The following RIC1 variants were observed in gnomAD, a reference collection of about 807,000 sequenced individuals.
RIC1 encodes RIC1 partner of RAB6A GEF complex, also known as guanine nucleotide exchange factor subunit RIC1.
Under a neutral mutation model 169.0 loss-of-function variants are expected in RIC1, and 88 were observed. The observed-to-expected ratio is 0.52, with a 90% CI of 0.44 to 0.62. RIC1 has a LOEUF of 0.62. RIC1 is among the 20% of genes least tolerant of loss of function. RIC1 has a pLI of 0.00. For missense variants in RIC1, 1,877 were observed against 1,725.5 expected, an observed-to-expected ratio of 1.09 and a Z score of -1.56; for synonymous variants, 790 against 601.5, an observed-to-expected ratio of 1.31 and a Z score of -4.59.
At chr9:5,634,575 C>T (rs10815255) in intron 1 of RIC1, among the ~76,000 whole-genome samples, 70,163 of 151,778 alleles carry the variant, frequency 0.46, 16,680 homozygotes, top group East Asian at 0.62. Flanking sequence ...GTTTTTTTCT[C>T]GGTACTGAGT....
chr9:5,703,500 C>G (rs1822363501), intron 3 of RIC1, among the ~76,000 whole-genome samples: 1 of 152,214 alleles, frequency 6.6e-6, no homozygotes, highest in Non-Finnish European at 1.5e-5. Context: ...CTCTCAGCCC[C>G]TAGAACCATA....
chr9:5,673,606 A>G (rs141305392), intron 2 of RIC1, among the ~76,000 whole-genome samples: 1 of 147,294 alleles, frequency 6.8e-6, no homozygotes, highest in African/African-American at 2.5e-5. Flanking sequence ...AGGTCCATCA[A>G]GAAAAGAATA....
Position 5,738,509 on chromosome 9 carries a change from A to G in RIC1, c.872A>G (p.Lys291Arg). 2 of 1,600,586 alleles carry G rather than the reference A, an allele frequency of 1.2e-6. No homozygotes were observed. The part of the protein sequence containing the change: ...NSTGAMLLSH[K>R]LELTAKQYPD... ...ACTGGAGCCATGCTGCTATCTCATAAATTAGAGCTAACAGCAAAACAGTAT... is the reference window on the plus strand; with the variant it reads ...ACTGGAGCCATGCTGCTATCTCATAGATTAGAGCTAACAGCAAAACAGTAT... Residue 291 changes from lysine to arginine, a missense_variant, in exon 8 of 26, where the codon AAA becomes AGA. This residue lies in a region of RIC1 where 1,104 missense variants were observed against 992.0 expected (regional missense o/e 1.11). Transcript: ENST00000414202.
At chr9:5,673,110 T>C (rs561350571) in intron 2 of RIC1, among the ~76,000 whole-genome samples, 1 of 152,070 alleles carries the variant, frequency 6.6e-6, no homozygotes, top group Non-Finnish European at 1.5e-5. Context: ...TAAACAAGTT[T>C]AGACAAGAAA....
chr9:5,645,028 T>C (rs147829952), intron 1 of RIC1, among the ~76,000 whole-genome samples: 28 of 152,228 alleles, frequency 1.8e-4, no homozygotes, highest in Non-Finnish European at 3.5e-4. Flanking sequence ...TCTTATTCCA[T>C]TTATATATCT....
chr9:5,723,073 G>A (rs899497330), intron 6 of RIC1, among the ~76,000 whole-genome samples: 1 of 152,226 alleles, frequency 6.6e-6, no homozygotes, highest in Admixed American at 6.5e-5. Flanking sequence ...TATATACCCA[G>A]TAATGGGATG....
At chr9:5,706,347 G>C (rs1822583525) in intron 3 of RIC1, among the ~76,000 whole-genome samples, 1 of 152,170 alleles carries the variant, frequency 6.6e-6, no homozygotes, top group Admixed American at 6.5e-5. Flanking sequence ...AGGTACTCGG[G>C]AGGCTAAGGC....
rs371175346 is a variant in RIC1 at position 5,717,793 on chromosome 9, C to T, written c.441-2389C>T. 9.6e-5 allele frequency among the ~76,000 whole-genome samples: 14 copies of T among 146,380 alleles called. No individual in the cohort carries two copies. The East Asian group carries it at 1.9e-3, about 20-fold the overall frequency. On this transcript the variant is annotated intron_variant, in intron 4 of 25. Transcript: ENST00000414202. ...CGGAGGTTTCAGTGAGCTGAGATCGCGCCACTGCACTCTAGCCTGGGCAGC... is the reference window on the plus strand; with the variant it reads ...CGGAGGTTTCAGTGAGCTGAGATCGTGCCACTGCACTCTAGCCTGGGCAGC...
At chr9:5,687,468 A>G (rs1372163910) in intron 2 of RIC1, among the ~76,000 whole-genome samples, 2 of 152,084 alleles carry the variant, frequency 1.3e-5, no homozygotes, top group Admixed American at 6.6e-5. Flanking sequence ...TTTTTCTAAT[A>G]TAAGTATTTT....
chr9:5,671,137 A>G (rs142932215), intron 2 of RIC1, among the ~76,000 whole-genome samples: 6 of 152,314 alleles, frequency 3.9e-5, no homozygotes, highest in African/African-American at 1.4e-4. Context: ...TTTACACTTT[A>G]GCAGAATTCA....
intron 3 of RIC1, among the ~76,000 whole-genome samples, chr9:5,696,000 A>G (rs982640678): frequency 2.0e-5 from 3 of 152,206 alleles, no homozygotes; most frequent in Non-Finnish European, 4.4e-5. Flanking sequence ...TATGAGGTAG[A>G]AAACCTTTAA....
intron 7 of RIC1, among the ~76,000 whole-genome samples, chr9:5,734,953 C>T (rs1347456050): frequency 6.6e-6 from 1 of 152,060 alleles, no homozygotes; most frequent in Non-Finnish European, 1.5e-5. Context: ...AATGATAAAT[C>T]CCTAATAGGA....
At chr9:5,728,151 A>G (rs1222546155) in intron 6 of RIC1, among the ~76,000 whole-genome samples, 1 of 152,236 alleles carries the variant, frequency 6.6e-6, no homozygotes, top group South Asian at 2.1e-4. Context: ...GGTGGAGTCT[A>G]CAGAGGCAGG....
intron 6 of RIC1, among the ~76,000 whole-genome samples, chr9:5,723,941 A>G (rs1485870938): frequency 6.6e-6 from 1 of 152,164 alleles, no homozygotes; most frequent in Non-Finnish European, 1.5e-5. Context: ...TACCAGTACC[A>G]TGCTGTTTTG....
At chr9:5,696,308 A>T (rs1563908348) in intron 3 of RIC1, among the ~76,000 whole-genome samples, 1 of 152,008 alleles carries the variant, frequency 6.6e-6, no homozygotes, top group Non-Finnish European at 1.5e-5. Flanking sequence ...TGGCATTTAG[A>T]ACCTACTTTC....
chr9:5,707,162 G>A (rs932431864), intron 3 of RIC1, among the ~76,000 whole-genome samples: 3 of 151,966 alleles, frequency 2.0e-5, no homozygotes, highest in Non-Finnish European at 2.9e-5. Context: ...GTTTTACAGT[G>A]TATTTTGAAT....
intron 1 of RIC1, among the ~76,000 whole-genome samples, chr9:5,650,619 G>A (rs1818753051): frequency 6.6e-6 from 1 of 151,998 alleles, no homozygotes. Flanking sequence ...CTGGCATGCT[G>A]GGAGATTCTG....
rs149866860 is a variant in RIC1, at chr9:5,774,291, G to T, written c.*45G>T. On this transcript the variant is annotated 3_prime_UTR_variant, in exon 26 of 26. Coordinates refer to ENST00000414202, the MANE Select transcript of RIC1 (RefSeq NM_020829.4). ...AGGGGCAGTATTAATTAGCAGCAGC[G>T]TGCAGCTCAGTACGTTGTAACATAG... The T allele has an allele frequency of 1.9e-5, 28 of 1,509,062 alleles. No homozygotes were observed. Among genetic ancestry groups the T allele is most frequent in the Non-Finnish European group, 2.3e-5 (26 of 1,108,792 alleles). 93.5% of individuals were successfully genotyped at this position (1,509,062 alleles called of 1,614,324 possible).
chr9:5,677,247 A>G (rs1197251239), intron 2 of RIC1, among the ~76,000 whole-genome samples: 1 of 152,148 alleles, frequency 6.6e-6, no homozygotes, highest in African/African-American at 2.4e-5. Context: ...ATCTCATTAT[A>G]ATTTTAACTT....
Sources: allele counts gnomAD v4.1 joint callset (sites outside exome capture counted in the v4.1 genomes callset), GRCh38; gene constraint gnomAD v4.1.1; regional missense constraint gnomAD v4.1.1; transcripts MANE v1.5; gene names NCBI Gene and HGNC (gene_info 2026-07-23, HGNC 2026-07-21).